The following MAPRE2 variants were observed in gnomAD, a reference collection of about 807,000 sequenced individuals.
MAPRE2 encodes the protein microtubule-associated protein RP/EB family member 2.
In MAPRE2, 13 loss-of-function variants were observed where a neutral mutation model predicts 43.2. The observed-to-expected ratio is 0.30, with a 90% CI of 0.20 to 0.48. The LOEUF (loss-of-function observed/expected upper bound fraction) is 0.48, where lower values mean the gene tolerates loss of function less well. Ranked by LOEUF, MAPRE2 falls within the 20% of genes least tolerant of loss-of-function variation. The probability of loss-of-function intolerance (pLI) is 0.99; values close to 1 mark genes in which losing one functional copy is unlikely to be tolerated. For missense variants in MAPRE2, 161 were observed against 400.2 expected (o/e 0.40, Z 5.10); for synonymous variants, 135 against 148.8 (o/e 0.91, Z 0.68).
chr18:35,086,363 C>T (rs1322345192), intron 2 of MAPRE2, among the ~76,000 whole-genome samples: 1 of 151,610 alleles, frequency 6.6e-6, no homozygotes, highest in Non-Finnish European at 1.5e-5. Context: ...TTTATATACA[C>T]ATTGTATATA....
In MAPRE2 at chr18:35,055,275, T is replaced by C. The variant is rs79878044; in HGVS notation, c.122+13614T>C. Among the ~76,000 whole-genome samples, 159 of 152,274 alleles carry C rather than the reference T, an allele frequency of 1.0e-3. 2 individuals are homozygous for C. Among genetic ancestry groups the C allele is most frequent in the African/African-American group, 3.7e-3 (154 of 41,554 alleles). ...AACAGCTCTGGGAGACCCTTCCTTG[T>C]CTCTTCCCGCTTCTTTTGGCCCCCA... On this transcript the variant is annotated intron_variant, in intron 1 of 6. Coordinates refer to ENST00000300249, the MANE Select transcript of MAPRE2 (RefSeq NM_014268.4).
intron 2 of MAPRE2, among the ~76,000 whole-genome samples, chr18:35,096,327 G>A (rs1908414545): frequency 6.6e-6 from 1 of 152,144 alleles, no homozygotes; most frequent in Non-Finnish European, 1.5e-5. Context: ...ATGGTGACTT[G>A]TTCCTATTCT....
chr18:34,998,738 C>T (rs1190509202), intron 1 of MAPRE2, among the ~76,000 whole-genome samples: 1 of 148,224 alleles, frequency 6.7e-6, no homozygotes, highest in Non-Finnish European at 1.5e-5. Context: ...GCTGGGATTA[C>T]AGGCGTGAGC....
rs73414646 is a variant in MAPRE2, at chr18:35,098,734, A to G, written c.396+1143A>G. On this transcript the variant is annotated intron_variant, in intron 3 of 6. Coordinates refer to ENST00000300249, the MANE Select transcript of MAPRE2 (RefSeq NM_014268.4). Reference sequence around the variant, plus strand: ...CATTCATTTCTCTATACATGCTTCTAGATTAGAAAGAAAAGAAACACCTTT... The same window carrying G: ...CATTCATTTCTCTATACATGCTTCTGGATTAGAAAGAAAAGAAACACCTTT... Among the ~76,000 whole-genome samples the G allele has an allele frequency of 1.2e-3, 185 of 152,268 alleles. 1 individual carries two copies. Among genetic ancestry groups the G allele is most frequent in the African/African-American group, 4.3e-3 (179 of 41,542 alleles).
intron 3 of MAPRE2, among the ~76,000 whole-genome samples, chr18:35,100,940 G>A (rs1164229836): frequency 6.6e-6 from 1 of 152,206 alleles, no homozygotes; most frequent in Non-Finnish European, 1.5e-5. Flanking sequence ...TCGGGAGGCT[G>A]AAGCAGGAGA....
chr18:34,998,462 G>A (rs2097027640), intron 1 of MAPRE2, among the ~76,000 whole-genome samples: 1 of 151,738 alleles, frequency 6.6e-6, no homozygotes, highest in Non-Finnish European at 1.5e-5. Flanking sequence ...AAGTAGCTGG[G>A]ACTACAGGTG....
chr18:35,120,739 C>T (rs1271002165), intron 4 of MAPRE2, among the ~76,000 whole-genome samples: 4 of 151,838 alleles, frequency 2.6e-5, no homozygotes, highest in Non-Finnish European at 5.9e-5. Flanking sequence ...TTTTTTTTAA[C>T]CAAGCTCATC....
At chr18:34,998,772 A>ATTTTTTTT (rs67933808) in intron 1 of MAPRE2, among the ~76,000 whole-genome samples, 19 of 93,724 alleles carry the variant, frequency 2.0e-4, no homozygotes, top group African/African-American at 6.9e-4. Flanking sequence ...CGAAGTTGCA[A>ATTTTTTTT]TTTTTTTTTT....
intron 2 of MAPRE2, among the ~76,000 whole-genome samples, chr18:35,080,093 G>A (rs531152503): frequency 3.3e-5 from 5 of 152,160 alleles, no homozygotes; most frequent in Non-Finnish European, 7.4e-5. Context: ...TTAGTGGATG[G>A]TCAATAAATA....
chr18:35,006,196 T>C lies in MAPRE2; in HGVS notation c.-8+643T>C, dbSNP rs149822008. ...CCAGATGGCAATGTTTGGAAAGCCATTCAGAGAGGTCCCAAGCTACAAGCT... is the reference window on the plus strand; with the variant it reads ...CCAGATGGCAATGTTTGGAAAGCCACTCAGAGAGGTCCCAAGCTACAAGCT... On this transcript the variant is annotated intron_variant, in intron 2 of 7. Coordinates refer to the MAPRE2 transcript ENST00000413393. Among the ~76,000 whole-genome samples, 528 of 152,302 alleles carry C rather than the reference T, an allele frequency of 3.5e-3. 3 individuals are homozygous for C. The highest frequency in any genetic ancestry group is 0.012 in the African/African-American group (512 of 41,562).
At chr18:35,127,285 C>T in intron 5 of MAPRE2, 198 bp downstream of exon 5, 1 of 563,310 alleles carries the variant, frequency 1.8e-6, no homozygotes, top group Non-Finnish European at 3.1e-6. Context: ...TCACAAATCT[C>T]AAAGCTGTAC....
At chr18:34,979,636 G>A (rs2097015037) in intron 1 of MAPRE2, among the ~76,000 whole-genome samples, 2 of 151,988 alleles carry the variant, frequency 1.3e-5, no homozygotes, top group Non-Finnish European at 2.9e-5. Flanking sequence ...GTTATGTGAA[G>A]CAGAAAGGAT....
intron 2 of MAPRE2, among the ~76,000 whole-genome samples, chr18:35,031,136 T>C (rs1413109393): frequency 6.6e-6 from 1 of 152,210 alleles, no homozygotes; most frequent in South Asian, 2.1e-4. Flanking sequence ...ATATTTTACT[T>C]ATATATTGTC....
intron 2 of MAPRE2, among the ~76,000 whole-genome samples, chr18:35,029,876 C>G (rs1045634753): frequency 6.6e-6 from 1 of 152,156 alleles, no homozygotes; most frequent in Non-Finnish European, 1.5e-5. Context: ...ATAGACATGT[C>G]TGTATCTGGA....
At chr18:35,017,225 T>C (rs1001701853) in intron 2 of MAPRE2, among the ~76,000 whole-genome samples, 2 of 144,352 alleles carry the variant, frequency 1.4e-5, no homozygotes, top group Admixed American at 7.4e-5. Flanking sequence ...TCAAGTAATG[T>C]GATGCCTCCG....
chr18:34,999,327 T>C (rs1267392348), intron 1 of MAPRE2, among the ~76,000 whole-genome samples: 2 of 152,220 alleles, frequency 1.3e-5, no homozygotes, highest in Admixed American at 1.3e-4. Context: ...ATATGTAGTT[T>C]TGTCTCATGT....
At chr18:35,051,137 T>C (rs1467395041) in intron 1 of MAPRE2, among the ~76,000 whole-genome samples, 5 of 152,098 alleles carry the variant, frequency 3.3e-5, no homozygotes, top group Admixed American at 6.5e-5. Flanking sequence ...TGCCAGCCTC[T>C]AGAGAGAGTT....
At chr18:35,017,982 T>A (rs2097039510) in intron 2 of MAPRE2, among the ~76,000 whole-genome samples, 1 of 151,770 alleles carries the variant, frequency 6.6e-6, no homozygotes, top group Non-Finnish European at 1.5e-5. Flanking sequence ...GCTCTTATTA[T>A]TATGAGGTAT....
Position 35,075,313 on chromosome 18 carries a change from C to T in MAPRE2, c.250+4991C>T, listed in dbSNP as rs574162858. 1.4e-4 allele frequency among the ~76,000 whole-genome samples: 21 copies of T among 152,234 alleles called. No homozygotes were observed. In the South Asian group the frequency reaches 2.7e-3, roughly 20 times the overall value. On this transcript the variant is annotated intron_variant, in intron 2 of 6. Coordinates refer to ENST00000300249, the MANE Select transcript of MAPRE2 (RefSeq NM_014268.4). ...AGTGTTCTTTGTGACCATTTTTGGC[C>T]GCAGATTTGTGCCTGTTAGATAGGT...
Sources: gnomAD v4.1 joint callset for allele counts (sites outside exome capture counted in the v4.1 genomes callset) on GRCh38, gnomAD v4.1.1 for gene constraint, MANE v1.5 for transcripts, NCBI Gene and HGNC (gene_info 2026-07-23, HGNC 2026-07-21) for gene names.